Variants in CAMTA1 observed in about 807,000 individuals in gnomAD.
The protein encoded by CAMTA1 is calmodulin-binding transcription activator 1.
CAMTA1 carries 27 observed loss-of-function variants against 170.9 expected under a neutral mutation model. That is an observed-to-expected ratio of 0.16 (90% confidence interval 0.12 to 0.22). The LOEUF is 0.22. Among genes scored for constraint, CAMTA1 ranks in the 10% least tolerant of loss-of-function variants. The probability of loss-of-function intolerance (pLI) is 1.00; values close to 1 mark genes in which losing one functional copy is unlikely to be tolerated. For synonymous variants in CAMTA1, 833 were observed against 891.5 expected, an observed-to-expected ratio of 0.93 and a Z score of 1.17; for missense variants, 1,619 against 2,217.2, an observed-to-expected ratio of 0.73 and a Z score of 5.42.
In CAMTA1 at chr1:6,920,173, G is replaced by A. The variant is rs1390171765; in HGVS notation, c.234+94963G>A. ...AAGTTAGTTACTTCCTAGATGCTTC[G>A]GGGGTACATGTATTGGGTAAACACA... On this transcript the variant is annotated intron_variant, in intron 3 of 22. Transcript: ENST00000303635. 7.9e-5 allele frequency among the ~76,000 whole-genome samples: 12 copies of A among 152,288 alleles called. No individual in the cohort carries two copies. In the East Asian group the frequency reaches 1.4e-3, roughly 17 times the overall value.
chr1:7,276,085 A>C (rs137946732), intron 5 of CAMTA1, among the ~76,000 whole-genome samples: 45 of 151,572 alleles, frequency 3.0e-4, no homozygotes, highest in African/African-American at 1.1e-3. Flanking sequence ...TTGGTTTAAC[A>C]TGTGCTAATC....
intron 6 of CAMTA1, among the ~76,000 whole-genome samples, chr1:7,558,697 A>C (rs1403761414): frequency 6.6e-6 from 1 of 152,192 alleles, no homozygotes. Flanking sequence ...TGGGGTGCAG[A>C]GGAGAAGCAG....
intron 5 of CAMTA1, among the ~76,000 whole-genome samples, chr1:7,340,242 CA>C (rs1210218465): frequency 6.6e-6 from 1 of 152,150 alleles, no homozygotes; most frequent in Non-Finnish European, 1.5e-5. Context: ...TATAGTGTGC[CA>C]ATTGTTGTTG....
At chr1:7,490,030 C>T (rs1294333168) in intron 6 of CAMTA1, among the ~76,000 whole-genome samples, 1 of 152,200 alleles carries the variant, frequency 6.6e-6, no homozygotes, top group Non-Finnish European at 1.5e-5. Context: ...TCTGTGGTGA[C>T]GTCCTGAAGG....
rs115795774 is a variant in CAMTA1, at chr1:6,911,412, G to A, written c.234+86202G>A. Among the ~76,000 whole-genome samples the A allele has an allele frequency of 8.1e-3, 1,237 of 152,264 alleles. 15 individuals are homozygous for A. Among genetic ancestry groups the A allele is most frequent in the African/African-American group, 0.028 (1,151 of 41,532 alleles). On this transcript the variant is annotated intron_variant, in intron 3 of 22. Coordinates refer to ENST00000303635, the MANE Select transcript of CAMTA1 (RefSeq NM_015215.4). The stretch of plus-strand genomic sequence containing the variant: ...ATCCTCCTGCCTGTGAGTAATTATC[G>A]TCAACACGGAGAGAGAGATATGAGC...
At chr1:7,221,029 G>C (rs547462647) in intron 4 of CAMTA1, among the ~76,000 whole-genome samples, 122 of 152,300 alleles carry the variant, frequency 8.0e-4, no homozygotes, top group African/African-American at 2.9e-3. Context: ...AGCCCACCAG[G>C]TGGGAGAGCC....
At chr1:7,001,493 A>G (rs939696928) in intron 3 of CAMTA1, among the ~76,000 whole-genome samples, 2 of 152,368 alleles carry the variant, frequency 1.3e-5, no homozygotes, top group Non-Finnish European at 1.5e-5. Context: ...TTCACCTTGA[A>G]TATACATTAT....
At chr1:7,484,236 G>A (rs2093584625) in intron 6 of CAMTA1, among the ~76,000 whole-genome samples, 1 of 152,108 alleles carries the variant, frequency 6.6e-6, no homozygotes, top group Admixed American at 6.5e-5. Flanking sequence ...CTTCCCTCGG[G>A]GGGCTCACCA....
rs565278681 is a variant in CAMTA1, at chr1:7,665,533, G to A, written c.2652+334G>A. On this transcript the variant is annotated intron_variant, in intron 9 of 22. Coordinates refer to ENST00000303635, the MANE Select transcript of CAMTA1 (RefSeq NM_015215.4). The surrounding 1 kb of genome is among the most constrained non-coding windows in gnomAD (Gnocchi z 4.3). ...GTTCCAAACCAACCTGGGCAACGTA[G>A]TGAGAACTGGTTTCAACAAAATATT... Among the ~76,000 whole-genome samples, 23 of 152,206 alleles carry A rather than the reference G, an allele frequency of 1.5e-4. No individual in the cohort carries two copies. The highest frequency in any genetic ancestry group is 5.5e-4 in the African/African-American group (23 of 41,534).
chr1:7,059,552 C>T (rs182206423), intron 3 of CAMTA1, among the ~76,000 whole-genome samples: 14 of 152,126 alleles, frequency 9.2e-5, no homozygotes, highest in African/African-American at 1.9e-4. Flanking sequence ...CACAGGAGGT[C>T]GAGGCTGCAG....
chr1:7,751,184 T>C lies in CAMTA1; in HGVS notation c.4690-15T>C, dbSNP rs780007943. Reference sequence around the variant, plus strand: ...CCTGTTGTTACTGTGTCGCTTGTTCTTGTTTCCCCTGCAGTACGCACTTTA... The same window carrying C: ...CCTGTTGTTACTGTGTCGCTTGTTCCTGTTTCCCCTGCAGTACGCACTTTA... On this transcript the variant is annotated splice_polypyrimidine_tract_variant and intron_variant, in intron 19 of 22. Transcript: ENST00000303635. The C allele has an allele frequency of 6.4e-7, 1 of 1,557,138 alleles. No individual in the cohort carries two copies. Among genetic ancestry groups the C allele is most frequent in the Non-Finnish European group, 8.7e-7 (1 of 1,153,430 alleles).
chr1:7,244,506 G>A (rs1201707324), intron 4 of CAMTA1, among the ~76,000 whole-genome samples: 1 of 152,112 alleles, frequency 6.6e-6, no homozygotes, highest in Non-Finnish European at 1.5e-5. Context: ...GTCCAACAAT[G>A]ACAGACTGGA....
intron 3 of CAMTA1, among the ~76,000 whole-genome samples, chr1:7,037,929 T>C (rs1703874519): frequency 6.6e-6 from 1 of 151,834 alleles, no homozygotes; most frequent in African/African-American, 2.4e-5. Context: ...TTTTTTTTTT[T>C]TTGCCATATT....
At chr1:7,408,222 G>A (rs772783749) in intron 5 of CAMTA1, among the ~76,000 whole-genome samples, 5 of 152,172 alleles carry the variant, frequency 3.3e-5, no homozygotes, top group Non-Finnish European at 5.9e-5. Context: ...CAAGCCTGGC[G>A]ATGGCGGGGC....
At chr1:7,346,794 G>T (rs2084257326) in intron 5 of CAMTA1, among the ~76,000 whole-genome samples, 1 of 152,184 alleles carries the variant, frequency 6.6e-6, no homozygotes, top group African/African-American at 2.4e-5. Flanking sequence ...GGGTCTGAGG[G>T]CAGGTGGCAC....
chr1:6,825,173 G>A lies in CAMTA1; in HGVS notation c.197G>A (p.Ser66Asn), dbSNP rs1646965370. The change falls in exon 3 of 23, where the codon AGT (serine) becomes AAT (asparagine). Residue 66 changes from serine (S) to asparagine (N), a missense_variant. Physicochemically the swap from Ser to Asn is conservative, Grantham distance 46 (BLOSUM62 1). This residue lies in a region of CAMTA1 where 97 missense variants were observed against 225.4 expected (regional missense o/e 0.43). Transcript: ENST00000303635. ...KLLECLPKCS[S>N]LPKERHRWNT... ...CTTGAATGTCTGCCGAAATGTTCAA[G>A]TTTACCAAAAGAGAGGCACCGCTGG... 2 of 1,610,676 alleles carry A rather than the reference G, an allele frequency of 1.2e-6. No homozygotes were observed. Among genetic ancestry groups the A allele is most frequent in the Non-Finnish European group, 1.7e-6 (2 of 1,178,728 alleles).
At chr1:7,349,588 C>T (rs982000679) in intron 5 of CAMTA1, among the ~76,000 whole-genome samples, 8 of 152,178 alleles carry the variant, frequency 5.3e-5, no homozygotes, top group Non-Finnish European at 8.8e-5. Flanking sequence ...GATCGAGGTG[C>T]GGGCAGGGCA....
chr1:7,013,203 CTTCTTCTT>C (rs1382964673), intron 3 of CAMTA1, among the ~76,000 whole-genome samples: 3 of 100,636 alleles, frequency 3.0e-5, no homozygotes, highest in African/African-American at 1.5e-4. Context: ...TGCCTTTGCC[CTTCTTCTT>C]TTTTTTTTTT....
chr1:7,121,099 A>G (rs1644614544), intron 4 of CAMTA1, among the ~76,000 whole-genome samples: 1 of 152,200 alleles, frequency 6.6e-6, no homozygotes, highest in African/African-American at 2.4e-5. Context: ...AAAATCTTCC[A>G]AGAGAAGCTG....
Sources: gnomAD v4.1 joint callset for allele counts (sites outside exome capture counted in the v4.1 genomes callset) on GRCh38, gnomAD v4.1.1 for gene constraint, gnomAD v4.1.1 regional missense constraint, Gnocchi (gnomAD v3.1) non-coding constraint, MANE v1.5 for transcripts, NCBI Gene and HGNC (gene_info 2026-07-23, HGNC 2026-07-21) for gene names.